The following DBX2 variants were observed in gnomAD, a reference collection of about 807,000 sequenced individuals.
The protein encoded by DBX2 is homeobox protein DBX2.
DBX2 carries 16 observed loss-of-function variants against 17.7 expected under a neutral mutation model. That is an observed-to-expected ratio of 0.90 (90% CI 0.61 to 1.37). The LOEUF is 1.37. Among genes scored for constraint, DBX2 ranks in the 40% most tolerant of loss-of-function variants. The probability of loss-of-function intolerance (pLI) is 0.00; values close to 1 mark genes in which losing one functional copy is unlikely to be tolerated. For missense variants in DBX2, 538 were observed against 433.8 expected (o/e 1.24, Z -2.13); for synonymous variants, 255 against 183.8 (o/e 1.39, Z -3.13).
At chr12:45,029,696 C>G (rs1488497269) in intron 2 of DBX2, among the ~76,000 whole-genome samples, 2 of 151,856 alleles carry the variant, frequency 1.3e-5, no homozygotes, top group Non-Finnish European at 2.9e-5. Flanking sequence ...GAAACCGTCT[C>G]TACTAAAAAT....
At chr12:45,039,547 A>G (rs1170424554) in intron 1 of DBX2, among the ~76,000 whole-genome samples, 1 of 151,704 alleles carries the variant, frequency 6.6e-6, no homozygotes, top group African/African-American at 2.4e-5. Context: ...TTAATCATTT[A>G]TCATGTTAGA....
chr12:45,043,364 A>G (rs1213493576), intron 1 of DBX2, among the ~76,000 whole-genome samples: 1 of 152,212 alleles, frequency 6.6e-6, no homozygotes, highest in African/African-American at 2.4e-5. Context: ...CTAAGTCGTA[A>G]GAAACTGCAA....
chr12:45,016,071 T>C lies in DBX2; in HGVS notation c.*215A>G, dbSNP rs750663083. ...GTTGCTCTCCTTCTTTTCAGTTCTGTCATACTTGCTGGGAGATTCTATTCC... is the reference window on the plus strand; with the variant it reads ...GTTGCTCTCCTTCTTTTCAGTTCTGCCATACTTGCTGGGAGATTCTATTCC... On this transcript the variant is annotated 3_prime_UTR_variant, in exon 4 of 4. Coordinates refer to ENST00000332700, the MANE Select transcript of DBX2 (RefSeq NM_001004329.3). 2.2e-6 allele frequency: 1 copy of C among 446,906 alleles called. No individual in the cohort carries two copies. The allele number at this position is 446,906 out of a possible 1,614,324, so 27.7% of individuals were successfully genotyped here.
Position 45,039,319 on chromosome 12 carries a change from A to ATC in DBX2, c.404-3206_404-3205insGA, listed in dbSNP as rs1565585248. Among the ~76,000 whole-genome samples the ATC allele has an allele frequency of 4.6e-5, 5 of 109,410 alleles. No homozygotes were observed. In the East Asian group the frequency reaches 1.2e-3, roughly 26 times the overall value. 71.8% of individuals were successfully genotyped at this position (109,410 alleles called of 152,430 possible). Reference sequence around the variant, plus strand: ...TATATATATATATATATATATATATATATGTATCACACTTTTAACTTTAGT... The same window carrying ATC: ...TATATATATATATATATATATATATATCTATGTATCACACTTTTAACTTTAGT... On this transcript the variant is annotated intron_variant, in intron 1 of 3. Transcript: ENST00000332700.
At chr12:45,038,518 T>C (rs896365390) in intron 1 of DBX2, among the ~76,000 whole-genome samples, 2 of 151,286 alleles carry the variant, frequency 1.3e-5, no homozygotes, top group Non-Finnish European at 3.0e-5. Context: ...TGTGTGTATA[T>C]ATTGCATACA....
At chr12:45,039,089 C>A (rs1021505983) in intron 1 of DBX2, among the ~76,000 whole-genome samples, 1 of 151,070 alleles carries the variant, frequency 6.6e-6, no homozygotes, top group Non-Finnish European at 1.5e-5. Context: ...TTCCTGATTG[C>A]TATACATAAA....
chr12:45,024,018 C>T, intron 2 of DBX2, 124 bp from the exon 3 acceptor site: 1 of 916,588 alleles, frequency 1.1e-6, no homozygotes, highest in Non-Finnish European at 1.5e-6. Context: ...CAACTCTGCT[C>T]ACTTAAAGCA....
chr12:45,050,390 A>G lies in DBX2; in HGVS notation c.403+135T>C, dbSNP rs1946523313. 2.4e-6 allele frequency: 3 copies of G among 1,251,122 alleles called. No individual in the cohort carries two copies. In the East Asian group the frequency reaches 8.2e-5, roughly 34 times the overall value. 77.5% of individuals were successfully genotyped at this position (1,251,122 alleles called of 1,614,324 possible). A position where few individuals can be genotyped will look rare whatever the true frequency, so the allele number is the denominator to read the frequency against. ...ACTCCCGAAGTGGCATCTCCACTAA[A>G]GCTCGAGATGCTCCAGGAAGTTCCC... is the stretch of plus-strand genomic sequence containing the variant. On this transcript the variant is annotated intron_variant, in intron 1 of 3. Coordinates refer to ENST00000332700, the MANE Select transcript of DBX2 (RefSeq NM_001004329.3).
At chr12:45,024,800 AC>A (rs897140263) in intron 2 of DBX2, among the ~76,000 whole-genome samples, 1 of 152,202 alleles carries the variant, frequency 6.6e-6, no homozygotes, top group African/African-American at 2.4e-5. Flanking sequence ...TCTGACATAA[AC>A]CTGGGATAGG....
chr12:45,023,140 T>C (rs1221087331), intron 3 of DBX2, among the ~76,000 whole-genome samples: 1 of 152,202 alleles, frequency 6.6e-6, no homozygotes, highest in Non-Finnish European at 1.5e-5. Flanking sequence ...TTCACAATTA[T>C]ATGAAACCTC....
chr12:45,047,244 G>C lies in DBX2; in HGVS notation c.403+3281C>G, dbSNP rs116401228. 5.3e-3 allele frequency among the ~76,000 whole-genome samples: 799 copies of C among 152,056 alleles called. 7 individuals are homozygous for C. Among genetic ancestry groups the C allele is most frequent in the African/African-American group, 0.018 (751 of 41,498 alleles). ...TTTTCCAAATATTGTCACAAATAAT[G>C]GCATCAGGAAACTTCTGAGGAAGGA... On this transcript the variant is annotated intron_variant, in intron 1 of 3. Coordinates refer to ENST00000332700, the MANE Select transcript of DBX2 (RefSeq NM_001004329.3).
At chr12:45,022,594 G>T (rs567387771) in intron 3 of DBX2, among the ~76,000 whole-genome samples, 2 of 151,986 alleles carry the variant, frequency 1.3e-5, no homozygotes, top group Admixed American at 1.3e-4. Flanking sequence ...GTGAGCCACC[G>T]CGCCCGGCCA....
chr12:45,039,894 C>T (rs952508915), intron 1 of DBX2, among the ~76,000 whole-genome samples: 2 of 151,916 alleles, frequency 1.3e-5, no homozygotes, highest in African/African-American at 2.4e-5. Context: ...AAAAAAATGG[C>T]CTTTCCTCTG....
chr12:45,039,116 T>C (rs1469537679), intron 1 of DBX2, among the ~76,000 whole-genome samples: 1 of 151,002 alleles, frequency 6.6e-6, no homozygotes, highest in Non-Finnish European at 1.5e-5. Context: ...TTGTTTAAGC[T>C]GGTTTATGTG....
intron 2 of DBX2, among the ~76,000 whole-genome samples, chr12:45,025,160 T>G (rs1204220333): frequency 6.6e-6 from 1 of 152,202 alleles, no homozygotes; most frequent in African/African-American, 2.4e-5. Context: ...GACCTTGAGA[T>G]GAAGAGCGTA....
At chr12:45,046,519 A>C (rs1454487587) in intron 1 of DBX2, among the ~76,000 whole-genome samples, 1 of 152,190 alleles carries the variant, frequency 6.6e-6, no homozygotes, top group Non-Finnish European at 1.5e-5. Flanking sequence ...CAGAAAGCTC[A>C]AATTCGGACT....
chr12:45,036,212 GT>G, intron 1 of DBX2, 98 bp from the exon 2 acceptor site: 3 of 1,072,464 alleles, frequency 2.8e-6, no homozygotes, highest in Non-Finnish European at 2.5e-6. Context: ...ACTTTGCTTA[GT>G]TTTTTAATTT....
chr12:45,019,445 TA>T (rs1480628236), intron 3 of DBX2, among the ~76,000 whole-genome samples: 1 of 152,116 alleles, frequency 6.6e-6, no homozygotes, highest in Non-Finnish European at 1.5e-5. Flanking sequence ...GCAACATTTT[TA>T]AAATCATAAA....
chr12:45,039,271 T>C lies in DBX2; in HGVS notation c.404-3157A>G, dbSNP rs1402557243. ...TCACCATTTAAAACAATGCACTGCA[T>C]TGAAGGTATATATATATATATATAT... is the stretch of plus-strand genomic sequence containing the variant. On this transcript the variant is annotated intron_variant, in intron 1 of 3. Coordinates refer to ENST00000332700, the MANE Select transcript of DBX2 (RefSeq NM_001004329.3). Among the ~76,000 whole-genome samples, 5 of 114,164 alleles carry C rather than the reference T, an allele frequency of 4.4e-5. No homozygotes were observed. In the South Asian group the frequency reaches 9.5e-4, roughly 22 times the overall value. The allele number at this position is 114,164 out of a possible 152,430, so 74.9% of individuals were successfully genotyped here. A position where few individuals can be genotyped will look rare whatever the true frequency, so the allele number is the denominator to read the frequency against.
Sources: allele counts gnomAD v4.1 joint callset (sites outside exome capture counted in the v4.1 genomes callset), GRCh38; gene constraint gnomAD v4.1.1; transcripts MANE v1.5; gene names NCBI Gene and HGNC (gene_info 2026-07-23, HGNC 2026-07-21).